The following GCLC variants were observed in gnomAD, a reference collection of about 807,000 sequenced individuals.
GCLC encodes the protein glutamate-cysteine ligase catalytic subunit.
A neutral mutation model predicts 81.5 loss-of-function variants in GCLC; 30 were observed. The ratio of observed to expected loss-of-function variants is 0.37; its 90% CI spans 0.28 to 0.50. GCLC has a LOEUF of 0.50. Ranked by LOEUF, GCLC falls within the 20% of genes least tolerant of loss-of-function variation. The probability of loss-of-function intolerance (pLI) is 0.96; values close to 1 mark genes in which losing one functional copy is unlikely to be tolerated. For synonymous variants in GCLC, 262 were observed against 273.3 expected (o/e 0.96, Z 0.41); for missense variants, 556 against 777.4 (o/e 0.72, Z 3.39).
At position 53,506,179 on chromosome 6, in the gene GCLC, C is replaced by T. The variant is rs17881292; in HGVS notation, c.1198-284G>A. 6,233 of 383,628 alleles carry T rather than the reference C, an allele frequency of 0.016. 77 individuals carry two copies. Among genetic ancestry groups the T allele is most frequent in the Middle Eastern group, 0.068 (78 of 1,150 alleles). The allele number at this position is 383,628 out of a possible 1,614,324, so 23.8% of individuals were successfully genotyped here. On this transcript the variant is annotated intron_variant, in intron 10 of 15. Coordinates refer to ENST00000650454, the MANE Select transcript of GCLC (RefSeq NM_001498.4). This position sits in a 1 kb window ranked among gnomAD's most constrained non-coding sequence, Gnocchi z 4.0. The stretch of plus-strand genomic sequence containing the variant: ...CTACAGAGCAGCATCTGAAGAGCCA[C>T]GGGGCCCCCACCTTCATCCCTGAGA...
intron 3 of GCLC, among the ~76,000 whole-genome samples, chr6:53,518,092 T>G (rs1365254526): frequency 4.6e-5 from 7 of 152,140 alleles, no homozygotes; most frequent in Non-Finnish European, 7.4e-5. Flanking sequence ...AAATAACTAA[T>G]AATTATTGTT....
At chr6:53,538,742 G>C (rs1458152968) in intron 1 of GCLC, among the ~76,000 whole-genome samples, 1 of 152,146 alleles carries the variant, frequency 6.6e-6, no homozygotes, top group East Asian at 1.9e-4. Flanking sequence ...AAGATACATT[G>C]CATTTTCCTC....
chr6:53,527,948 T>C (rs1400059414), intron 1 of GCLC, among the ~76,000 whole-genome samples: 1 of 152,184 alleles, frequency 6.6e-6, no homozygotes, highest in African/African-American at 2.4e-5. Flanking sequence ...TGCCAAGTAG[T>C]CACCCTCTAG....
At chr6:53,508,796 C>G (rs757145848) in intron 7 of GCLC, 85 bp from the exon 8 acceptor site, 26 of 919,444 alleles carry the variant, frequency 2.8e-5, no homozygotes, top group Non-Finnish European at 4.0e-5. Flanking sequence ...TATTTCTGAT[C>G]AAAAAGCATG....
chr6:53,544,400 C>T, intron 1 of GCLC, 96 bp downstream of exon 1: 1 of 1,354,464 alleles, frequency 7.4e-7, no homozygotes, highest in Non-Finnish European at 1.0e-6. Context: ...GTGGAGAACG[C>T]GGACCGCGAT....
Position 53,544,653 on chromosome 6 carries a change from C to CCCTCCTCCTCCT in GCLC, c.-20_-9dup, listed in dbSNP as rs3830798. 157 of 1,551,060 alleles carry CCCTCCTCCTCCT rather than the reference C, an allele frequency of 1.0e-4. No individual in the cohort carries two copies. In the African/African-American group the frequency reaches 1.7e-3, roughly 17 times the overall value. On this transcript the variant is annotated 5_prime_UTR_variant, in exon 1 of 16. Transcript: ENST00000650454. ...CTGGGACAGCAGCCCCATGGCCGCC[C>CCCTCCTCCTCCT]CCTCCTCCTCCTCCTCCTCCTCCGG...
intron 1 of GCLC, among the ~76,000 whole-genome samples, chr6:53,527,864 C>T (rs1763109515): frequency 6.6e-6 from 1 of 152,206 alleles, no homozygotes; most frequent in Non-Finnish European, 1.5e-5. Context: ...AGGGGAGCTG[C>T]ACCACTGACT....
intron 6 of GCLC, among the ~76,000 whole-genome samples, chr6:53,511,908 G>C (rs866728200): frequency 2.5e-5 from 3 of 121,574 alleles, no homozygotes; most frequent in East Asian, 5.7e-4. Context: ...TTGGGGGGGG[G>C]GGTGGGAGGG....
At position 53,519,783 on chromosome 6, in the gene GCLC, A is replaced by AAGGTAG. The variant is rs775020881; in HGVS notation, c.446+994_446+995insCTACCT. Among the ~76,000 whole-genome samples the AAGGTAG allele has an allele frequency of 2.0e-5, 3 of 152,258 alleles. No individual in the cohort carries two copies. The South Asian group carries it at 6.2e-4, about 32-fold the overall frequency. Reference sequence around the variant, plus strand: ...AGAAGTGACCTGTACATACAGAATGAAGGTATCACAGAAATAGAGATGCTT... The same window carrying AAGGTAG: ...AGAAGTGACCTGTACATACAGAATGAAGGTAGAGGTATCACAGAAATAGAGATGCTT... On this transcript the variant is annotated intron_variant, in intron 3 of 15. Coordinates refer to ENST00000650454, the MANE Select transcript of GCLC (RefSeq NM_001498.4).
intron 1 of GCLC, among the ~76,000 whole-genome samples, chr6:53,543,446 A>T (rs376123132): frequency 7.5e-5 from 1 of 13,404 alleles, no homozygotes. Context: ...CCAATCTTAG[A>T]AAAAAAAAAA....
chr6:53,505,724 C>T, intron 11 of GCLC, 79 bp downstream of exon 11: 1 of 871,986 alleles, frequency 1.1e-6, no homozygotes, highest in Non-Finnish European at 2.0e-6. Context: ...AGAGCCTTCT[C>T]ATAGCAGCAT....
chr6:53,499,011 G>GTT, intron 15 of GCLC, 44 bp from the exon 16 acceptor site: 62 of 1,105,756 alleles, frequency 5.6e-5, no homozygotes, highest in Non-Finnish European at 7.8e-5. Flanking sequence ...AACCACGTAA[G>GTT]TTTTTTTTTT....
intron 1 of GCLC, among the ~76,000 whole-genome samples, chr6:53,523,610 G>C (rs930998238): frequency 6.6e-6 from 1 of 152,202 alleles, no homozygotes; most frequent in Non-Finnish European, 1.5e-5. Flanking sequence ...CAGAAGCCCA[G>C]CACGAAGCCT....
In GCLC at chr6:53,514,338, C is replaced by G; in HGVS notation, c.620-1G>C. On this transcript the variant is annotated splice_acceptor_variant, in intron 5 of 15. Coordinates refer to ENST00000650454, the MANE Select transcript of GCLC (RefSeq NM_001498.4). LOFTEE classifies it high-confidence loss of function. ...GATGGTGTATTCTTGTCCTTAAATA[C>G]TGTATTATAAAAATACAAAAATAAA... The G allele has an allele frequency of 1.3e-6, 2 of 1,587,608 alleles. No homozygotes were observed. The highest frequency in any genetic ancestry group is 1.7e-6 in the Non-Finnish European group (2 of 1,155,994).
At chr6:53,536,874 A>AT (rs1203210773) in intron 1 of GCLC, among the ~76,000 whole-genome samples, 1 of 152,140 alleles carries the variant, frequency 6.6e-6, no homozygotes, top group African/African-American at 2.4e-5. Context: ...GTCTTAAAAG[A>AT]TTTTTTCTGT....
At chr6:53,511,416 T>C (rs766899603) in intron 6 of GCLC, among the ~76,000 whole-genome samples, 2 of 152,186 alleles carry the variant, frequency 1.3e-5, no homozygotes, top group Non-Finnish European at 1.5e-5. Flanking sequence ...TCTTAGGTAT[T>C]TGAGTATGTG....
At chr6:53,534,212 A>G (rs894424556) in intron 1 of GCLC, among the ~76,000 whole-genome samples, 55 of 152,204 alleles carry the variant, frequency 3.6e-4, no homozygotes, top group African/African-American at 1.3e-3. Context: ...TTGTGTTTTT[A>G]CCAAATATCC....
intron 15 of GCLC, 137 bp downstream of exon 15, chr6:53,499,908 T>C (rs1764472460): frequency 1.4e-6 from 1 of 695,178 alleles, no homozygotes; most frequent in Non-Finnish European, 2.5e-6. Flanking sequence ...ATAAGGTGAA[T>C]ACAATTGCAG....
intron 9 of GCLC, 53 bp from the exon 10 acceptor site, chr6:53,507,078 C>T (rs1764630298): frequency 2.1e-6 from 2 of 969,886 alleles, no homozygotes; most frequent in South Asian, 1.3e-5. Flanking sequence ...ATACCACTTC[C>T]TCTTAGTCCA....
Sources: gnomAD v4.1 joint callset for allele counts (sites outside exome capture counted in the v4.1 genomes callset) on GRCh38, gnomAD v4.1.1 for gene constraint, Gnocchi (gnomAD v3.1) non-coding constraint, MANE v1.5 for transcripts, NCBI Gene and HGNC (gene_info 2026-07-23, HGNC 2026-07-21) for gene names.